ACOXL: variants seen among roughly 807,000 people sequenced by gnomAD.
The protein encoded by ACOXL is acyl-coenzyme A oxidase-like protein.
A neutral mutation model predicts 71.9 loss-of-function variants in ACOXL; 70 were observed. The ratio of observed to expected loss-of-function variants is 0.97; its 90% CI spans 0.80 to 1.19. The LOEUF is 1.19. Ranked by LOEUF, ACOXL falls within the 50% of genes most tolerant of loss-of-function variation. The probability of loss-of-function intolerance (pLI) is 0.00; values close to 1 mark genes in which losing one functional copy is unlikely to be tolerated. For missense variants in ACOXL, 703 were observed against 736.3 expected, an observed-to-expected ratio of 0.95 and a Z score of 0.52; for synonymous variants, 253 against 281.6, an observed-to-expected ratio of 0.90 and a Z score of 1.02.
intron 7 of ACOXL, among the ~76,000 whole-genome samples, 153 bp from the exon 8 acceptor site, chr2:110,801,499 C>G (rs1334435682): frequency 1.3e-5 from 2 of 152,210 alleles, no homozygotes; most frequent in African/African-American, 4.8e-5. Context: ...AAGGAAACAA[C>G]AGACAACATC....
intron 10 of ACOXL, among the ~76,000 whole-genome samples, chr2:110,869,864 ACTGCCAGCCC>A (rs1232875827): frequency 2.0e-5 from 3 of 152,172 alleles, no homozygotes; most frequent in Admixed American, 6.5e-5. Context: ...GAACCTAGCC[ACTGCCAGCCC>A]CTACCCAGAT....
At chr2:110,962,663 C>T (rs1182099217) in intron 12 of ACOXL, among the ~76,000 whole-genome samples, 1 of 152,220 alleles carries the variant, frequency 6.6e-6, no homozygotes, top group Non-Finnish European at 1.5e-5. Context: ...GAAGCAGGTC[C>T]CCCAGGCATG....
intron 9 of ACOXL, among the ~76,000 whole-genome samples, chr2:110,830,555 A>G (rs1443906974): frequency 6.6e-6 from 1 of 150,592 alleles, no homozygotes; most frequent in Non-Finnish European, 1.5e-5. Context: ...TTTTTTTGAG[A>G]CAGAGTCTTG....
intron 15 of ACOXL, among the ~76,000 whole-genome samples, chr2:111,039,760 A>G (rs1174234559): frequency 1.3e-5 from 2 of 152,200 alleles, no homozygotes; most frequent in African/African-American, 4.8e-5. Context: ...CTATGGGTGA[A>G]AATTCTTCTG....
intron 1 of ACOXL, among the ~76,000 whole-genome samples, chr2:110,767,508 C>T (rs1473609179): frequency 6.6e-6 from 1 of 152,184 alleles, no homozygotes; most frequent in Non-Finnish European, 1.5e-5. Flanking sequence ...GCAGGCATGG[C>T]CTGACTCTAG....
intron 16 of ACOXL, among the ~76,000 whole-genome samples, chr2:111,054,534 G>A (rs2066439722): frequency 1.3e-5 from 2 of 152,196 alleles, no homozygotes; most frequent in African/African-American, 4.8e-5. Flanking sequence ...TCCACTGATG[G>A]GAGGTGTGGG....
At chr2:110,854,648 T>C (rs1225939736) in intron 10 of ACOXL, among the ~76,000 whole-genome samples, 2 of 152,192 alleles carry the variant, frequency 1.3e-5, no homozygotes, top group African/African-American at 4.8e-5. Context: ...TGGAAGAGCA[T>C]TAAGGAGACT....
intron 12 of ACOXL, among the ~76,000 whole-genome samples, chr2:110,934,350 A>G (rs546446693): frequency 4.2e-4 from 64 of 152,280 alleles, no homozygotes; most frequent in Non-Finnish European, 6.9e-4. Context: ...TCAGCTGTGC[A>G]CTTCATTCGA....
intron 1 of ACOXL, among the ~76,000 whole-genome samples, chr2:110,736,724 A>G (rs1400525442): frequency 6.8e-6 from 1 of 147,690 alleles, no homozygotes; most frequent in Non-Finnish European, 1.5e-5. Flanking sequence ...GGCTCACGCC[A>G]TTCTCCTGCC....
chr2:111,095,897 G>A (rs1430825570), intron 17 of ACOXL, among the ~76,000 whole-genome samples: 3 of 152,214 alleles, frequency 2.0e-5, no homozygotes, highest in Non-Finnish European at 4.4e-5. Context: ...TCCCCAAAGG[G>A]GAGAGGATAG....
chr2:110,911,615 A>G (rs993922425), intron 11 of ACOXL, among the ~76,000 whole-genome samples: 3 of 152,120 alleles, frequency 2.0e-5, no homozygotes, highest in Admixed American at 2.0e-4. Context: ...GAAAAAAAAC[A>G]TGATCATCCC....
At chr2:111,033,749 G>C (rs2065381350) in intron 15 of ACOXL, among the ~76,000 whole-genome samples, 1 of 152,140 alleles carries the variant, frequency 6.6e-6, no homozygotes, top group African/African-American at 2.4e-5. Context: ...CTGTGTCTTG[G>C]GCCTTCTCAT....
chr2:110,880,981 A>C (rs566167802), intron 10 of ACOXL, among the ~76,000 whole-genome samples: 1 of 152,216 alleles, frequency 6.6e-6, no homozygotes, highest in Non-Finnish European at 1.5e-5. Flanking sequence ...GTGGGACTAC[A>C]CAAATATCTC....
intron 12 of ACOXL, among the ~76,000 whole-genome samples, chr2:110,983,888 C>T (rs1030498389): frequency 2.6e-5 from 4 of 152,050 alleles, no homozygotes; most frequent in East Asian, 1.9e-4. Context: ...CTCACTCTGT[C>T]GCCCAGGCTG....
At chr2:110,825,382 C>A (rs900040869) in intron 9 of ACOXL, among the ~76,000 whole-genome samples, 1 of 152,118 alleles carries the variant, frequency 6.6e-6, no homozygotes, top group Non-Finnish European at 1.5e-5. Context: ...CAAATTTGGA[C>A]TCCCCTCTAT....
chr2:110,760,105 G>A (rs1056962002), intron 1 of ACOXL, among the ~76,000 whole-genome samples: 4 of 149,856 alleles, frequency 2.7e-5, no homozygotes, highest in East Asian at 1.9e-4. Context: ...GGGCTTCCAG[G>A]TGTACAATCA....
At chr2:111,102,297 G>A (rs1360421444) in intron 17 of ACOXL, among the ~76,000 whole-genome samples, 3 of 152,210 alleles carry the variant, frequency 2.0e-5, no homozygotes, top group Non-Finnish European at 4.4e-5. Context: ...AAGGGACCCT[G>A]AGGTCACCCT....
intron 1 of ACOXL, among the ~76,000 whole-genome samples, chr2:110,748,163 A>G (rs992974418): frequency 4.6e-5 from 7 of 152,158 alleles, no homozygotes; most frequent in Non-Finnish European, 5.9e-5. Flanking sequence ...TCTGTCTTCT[A>G]TGCTAGAGTC....
chr2:110,986,684 G>A lies in ACOXL; in HGVS notation c.1060-424G>A, dbSNP rs190608921. On this transcript the variant is annotated intron_variant, in intron 12 of 17. Transcript: ENST00000439055. ...AGTAGAAGATAGAGATTGAAGTAGA[G>A]GATAGAGATTGTTTTATTTGTGCAT... Among the ~76,000 whole-genome samples, 12 of 152,282 alleles carry A rather than the reference G, an allele frequency of 7.9e-5. 1 individual carries two copies. Among genetic ancestry groups the A allele is most frequent in the Admixed American group, 7.8e-4 (12 of 15,298 alleles).
Sources: gnomAD v4.1 joint callset for allele counts (sites outside exome capture counted in the v4.1 genomes callset) on GRCh38, gnomAD v4.1.1 for gene constraint, MANE v1.5 for transcripts, NCBI Gene and HGNC (gene_info 2026-07-23, HGNC 2026-07-21) for gene names.